SHC3: variants seen among roughly 807,000 people sequenced by gnomAD.
The protein encoded by SHC3 is SHC-transforming protein 3.
A neutral mutation model predicts 60.4 loss-of-function variants in SHC3; 15 were observed. The ratio of observed to expected loss-of-function variants is 0.25; its 90% confidence interval spans 0.17 to 0.38. The LOEUF (loss-of-function observed/expected upper bound fraction) is 0.38, where lower values mean the gene tolerates loss of function less well. SHC3 is among the 10% of genes least tolerant of loss of function. The pLI, the probability that SHC3 is intolerant of heterozygous loss-of-function variation, is 1.00. For synonymous variants in SHC3, 294 were observed against 325.9 expected (o/e 0.90, Z 1.05); for missense variants, 677 against 786.1 (o/e 0.86, Z 1.66).
rs76334001 is a variant in SHC3, at chr9:89,152,480, A to G, written c.474+25507T>C. Reference sequence around the variant, plus strand: ...GGCAGTCTTAGTGGGTCCACCATAGACATCCTCAATATCTATGTCCAACTG... The same window carrying G: ...GGCAGTCTTAGTGGGTCCACCATAGGCATCCTCAATATCTATGTCCAACTG... On this transcript the variant is annotated intron_variant, in intron 1 of 11. Transcript: ENST00000375835. 1.9e-3 allele frequency among the ~76,000 whole-genome samples: 291 copies of G among 152,346 alleles called. 6 individuals are homozygous for G. In the East Asian group the frequency reaches 0.049, roughly 26 times the overall value.
chr9:89,077,752 G>T lies in SHC3; in HGVS notation c.609+88C>A, dbSNP rs1214936142. The T allele has an allele frequency of 2.1e-5, 31 of 1,476,754 alleles. No individual in the cohort carries two copies. The East Asian group carries it at 6.8e-4, about 32-fold the overall frequency. The allele number at this position is 1,476,754 out of a possible 1,614,324, so 91.5% of individuals were successfully genotyped here. ...CGCCGGGCCACAGAAAGAGGACAAT[G>T]AATAATTCTGTGTGACTGAAGATAC... On this transcript the variant is annotated intron_variant, in intron 3 of 11. Coordinates refer to ENST00000375835, the MANE Select transcript of SHC3 (RefSeq NM_016848.6).
intron 2 of SHC3, among the ~76,000 whole-genome samples, chr9:89,079,882 T>C (rs903511017): frequency 6.6e-6 from 1 of 152,196 alleles, no homozygotes; most frequent in African/African-American, 2.4e-5. Flanking sequence ...AGTTTTCAAA[T>C]GAAACTGCTT....
chr9:89,013,340 G>A lies in SHC3; in HGVS notation c.*107C>T. 7.6e-7 allele frequency: 1 copy of A among 1,320,336 alleles called. No homozygotes were observed. The allele number at this position is 1,320,336 out of a possible 1,614,324, so 81.8% of individuals were successfully genotyped here. A position where few individuals can be genotyped will look rare whatever the true frequency, so the allele number is the denominator to read the frequency against. The stretch of plus-strand genomic sequence containing the variant: ...AAGCCTTCCTTTTGAAGCTTTTGAA[G>A]AAGGCTCTGAGCCACAGGCAGCTGT... On this transcript the variant is annotated 3_prime_UTR_variant, in exon 12 of 12. Coordinates refer to ENST00000375835, the MANE Select transcript of SHC3 (RefSeq NM_016848.6).
chr9:89,055,010 G>C (rs998109701), intron 6 of SHC3, among the ~76,000 whole-genome samples: 1 of 152,208 alleles, frequency 6.6e-6, no homozygotes, highest in Non-Finnish European at 1.5e-5. Flanking sequence ...CACATCACAA[G>C]GACTACTCCA....
intron 9 of SHC3, 84 bp from the exon 10 acceptor site, chr9:89,042,268 C>A (rs371238452): frequency 1.4e-6 from 2 of 1,414,548 alleles, no homozygotes; most frequent in Non-Finnish European, 1.9e-6. Flanking sequence ...AGCTCTTCTG[C>A]CTGCAAATGG....
intron 5 of SHC3, among the ~76,000 whole-genome samples, chr9:89,067,763 G>A (rs1179198535): frequency 6.6e-6 from 1 of 152,118 alleles, no homozygotes. Context: ...AGCGAACTTT[G>A]TCCATCATAG....
intron 1 of SHC3, among the ~76,000 whole-genome samples, chr9:89,143,899 C>T (rs1826431293): frequency 1.3e-5 from 2 of 152,076 alleles, no homozygotes; most frequent in Admixed American, 1.3e-4. Flanking sequence ...ACCACTAAAC[C>T]TTTAAGCCAC....
At chr9:89,167,704 C>G (rs955406609) in intron 1 of SHC3, among the ~76,000 whole-genome samples, 10 of 152,208 alleles carry the variant, frequency 6.6e-5, no homozygotes, top group Admixed American at 1.3e-4. Flanking sequence ...CACGAGTATA[C>G]TTTTTAGAAC....
chr9:89,167,101 G>T lies in SHC3; in HGVS notation c.474+10886C>A, dbSNP rs560195338. On this transcript the variant is annotated intron_variant, in intron 1 of 11. Coordinates refer to ENST00000375835, the MANE Select transcript of SHC3 (RefSeq NM_016848.6). Reference sequence around the variant, plus strand: ...GTTAACCATTGGCCAGCACACCCCTGCCCTGGGGGTCCAGCAGGAGGGAGG... The same window carrying T: ...GTTAACCATTGGCCAGCACACCCCTTCCCTGGGGGTCCAGCAGGAGGGAGG... Among the ~76,000 whole-genome samples the T allele has an allele frequency of 1.2e-4, 18 of 151,834 alleles. No homozygotes were observed. In the South Asian group the frequency reaches 3.8e-3, roughly 32 times the overall value.
Position 89,170,069 on chromosome 9 carries a change from G to A in SHC3, c.474+7918C>T, listed in dbSNP as rs535704816. Among the ~76,000 whole-genome samples, 23 of 152,216 alleles carry A rather than the reference G, an allele frequency of 1.5e-4. 1 individual carries two copies. Among genetic ancestry groups the A allele is most frequent in the Non-Finnish European group, 3.2e-4 (22 of 68,018 alleles). On this transcript the variant is annotated intron_variant, in intron 1 of 11. Coordinates refer to ENST00000375835, the MANE Select transcript of SHC3 (RefSeq NM_016848.6). ...TTTAGGGGCCTTTCCTGCTGAGTGG[G>A]TTGTGGAGGCCTTTTCCTTGGGAAG...
intron 2 of SHC3, among the ~76,000 whole-genome samples, chr9:89,095,906 T>G (rs1210612357): frequency 6.6e-6 from 1 of 152,170 alleles, no homozygotes; most frequent in Admixed American, 6.5e-5. Flanking sequence ...ATAATTGAGC[T>G]AAGACACTTC....
At chr9:89,127,295 AC>A (rs1826178450) in intron 1 of SHC3, among the ~76,000 whole-genome samples, 1 of 152,128 alleles carries the variant, frequency 6.6e-6, no homozygotes, top group Non-Finnish European at 1.5e-5. Context: ...CTGGGAGGTT[AC>A]CTTTGGTACA....
chr9:89,040,916 C>T (rs1056794400), intron 10 of SHC3, among the ~76,000 whole-genome samples: 1 of 152,220 alleles, frequency 6.6e-6, no homozygotes, highest in Non-Finnish European at 1.5e-5. Flanking sequence ...ACTGTCCTCA[C>T]TCATACAAAA....
At chr9:89,052,210 T>C (rs768063831) in intron 6 of SHC3, 47 bp from the exon 7 acceptor site, 13 of 1,608,120 alleles carry the variant, frequency 8.1e-6, no homozygotes, top group Non-Finnish European at 1.0e-5. Context: ...ACACTGGTGC[T>C]ACCTGGGCTC....
chr9:89,068,209 C>T (rs962669991), intron 5 of SHC3, among the ~76,000 whole-genome samples: 7 of 152,324 alleles, frequency 4.6e-5, no homozygotes, highest in African/African-American at 1.7e-4. Context: ...CCCCAAGACC[C>T]CCTGTGCCTG....
chr9:89,172,262 C>T (rs906219833), intron 1 of SHC3, among the ~76,000 whole-genome samples: 6 of 152,148 alleles, frequency 3.9e-5, no homozygotes, highest in Admixed American at 6.5e-5. Context: ...GCAACTCTGA[C>T]GTGGCCACTC....
chr9:89,172,542 C>T (rs12344735), intron 1 of SHC3, among the ~76,000 whole-genome samples: 5 of 151,108 alleles, frequency 3.3e-5, no homozygotes, highest in African/African-American at 4.9e-5. Flanking sequence ...CACACACACA[C>T]GAAGACACAG....
At chr9:89,175,856 A>G (rs1179900726) in intron 1 of SHC3, among the ~76,000 whole-genome samples, 2 of 152,236 alleles carry the variant, frequency 1.3e-5, no homozygotes, top group African/African-American at 2.4e-5. Context: ...CAATTTTTCA[A>G]TAAAATAAGT....
chr9:89,115,976 C>A (rs1005424336), intron 1 of SHC3, among the ~76,000 whole-genome samples: 1 of 152,112 alleles, frequency 6.6e-6, no homozygotes, highest in South Asian at 2.1e-4. Flanking sequence ...AATACCACCA[C>A]CACCAATGTC....
Sources: allele counts gnomAD v4.1 joint callset (sites outside exome capture counted in the v4.1 genomes callset), GRCh38; gene constraint gnomAD v4.1.1; transcripts MANE v1.5; gene names NCBI Gene and HGNC (gene_info 2026-07-23, HGNC 2026-07-21).